The following SNX29 variants were observed in gnomAD, a reference collection of about 807,000 sequenced individuals.
SNX29 encodes sorting nexin-29.
Under a neutral mutation model 102.1 loss-of-function variants are expected in SNX29, and 78 were observed. That is an observed-to-expected ratio of 0.76 (90% CI 0.64 to 0.92). The LOEUF is 0.92. Among genes scored for constraint, SNX29 ranks in the 40% least tolerant of loss-of-function variants. The pLI, the probability that SNX29 is intolerant of heterozygous loss-of-function variation, is 0.00. For synonymous variants in SNX29, 580 were observed against 414.5 expected, an observed-to-expected ratio of 1.40 and a Z score of -4.85; for missense variants, 1,280 against 1,061.7, an observed-to-expected ratio of 1.21 and a Z score of -2.86.
intron 18 of SNX29, among the ~76,000 whole-genome samples, chr16:12,472,935 T>A (rs188779849): frequency 6.6e-6 from 1 of 152,148 alleles, no homozygotes; most frequent in Non-Finnish European, 1.5e-5. Context: ...TTTTGCTGAG[T>A]CAAGGAGATC....
intron 14 of SNX29, among the ~76,000 whole-genome samples, chr16:12,221,759 C>T (rs75091116): frequency 0.041 from 6,255 of 152,246 alleles, 463 homozygotes; most frequent in African/African-American, 0.14. Flanking sequence ...AAAATTGTGG[C>T]GCCCAGGGCC....
At chr16:12,137,048 A>T (rs1038301405) in intron 13 of SNX29, among the ~76,000 whole-genome samples, 5 of 152,096 alleles carry the variant, frequency 3.3e-5, no homozygotes, top group African/African-American at 1.2e-4. Context: ...CCTAGGAAAG[A>T]CTTTTTAGCG....
At chr16:12,121,385 A>G (rs1278152595) in intron 11 of SNX29, among the ~76,000 whole-genome samples, 1 of 152,242 alleles carries the variant, frequency 6.6e-6, no homozygotes, top group Non-Finnish European at 1.5e-5. Flanking sequence ...GTCCTGCAGA[A>G]GCCAGCATGG....
intron 20 of SNX29, among the ~76,000 whole-genome samples, chr16:12,562,260 G>A (rs1432174538): frequency 6.6e-6 from 1 of 152,116 alleles, no homozygotes; most frequent in Non-Finnish European, 1.5e-5. Context: ...TCACTAAGCA[G>A]CATCCCCATG....
At chr16:12,549,818 T>G (rs1268617196) in intron 20 of SNX29, among the ~76,000 whole-genome samples, 1 of 152,274 alleles carries the variant, frequency 6.6e-6, no homozygotes, top group Non-Finnish European at 1.5e-5. Flanking sequence ...CTGTGCCCTG[T>G]GTGGCCAGGC....
chr16:12,479,459 A>G (rs2087806229), intron 19 of SNX29, among the ~76,000 whole-genome samples: 1 of 152,184 alleles, frequency 6.6e-6, no homozygotes, highest in Non-Finnish European at 1.5e-5. Context: ...TGATCACGCC[A>G]AGGTCTGCTC....
intron 1 of SNX29, 154 bp downstream of exon 1, chr16:11,976,967 C>G: frequency 9.9e-7 from 1 of 1,008,362 alleles, no homozygotes; most frequent in South Asian, 4.2e-5. Flanking sequence ...CCAGGACTCC[C>G]GGCTCGTGGC....
intron 14 of SNX29, among the ~76,000 whole-genome samples, chr16:12,245,584 T>G (rs2078237201): frequency 6.6e-6 from 1 of 152,020 alleles, no homozygotes; most frequent in Admixed American, 6.6e-5. Flanking sequence ...TGTAGTTTAT[T>G]TATTTATTTT....
At chr16:12,534,667 G>T (rs964956134) in intron 20 of SNX29, among the ~76,000 whole-genome samples, 3 of 152,188 alleles carry the variant, frequency 2.0e-5, no homozygotes, top group Non-Finnish European at 4.4e-5. Context: ...CTGCAGACGG[G>T]CTGTCGGAGG....
At chr16:12,414,671 T>C (rs1054370543) in intron 18 of SNX29, among the ~76,000 whole-genome samples, 2 of 152,208 alleles carry the variant, frequency 1.3e-5, no homozygotes, top group African/African-American at 2.4e-5. Flanking sequence ...TTTTCCTGCC[T>C]GGCCGTTGTT....
At chr16:12,417,506 C>G (rs571294851) in intron 18 of SNX29, among the ~76,000 whole-genome samples, 1 of 152,272 alleles carries the variant, frequency 6.6e-6, no homozygotes, top group Non-Finnish European at 1.5e-5. Context: ...CTTCTCTTTG[C>G]TCCCCGCTTT....
intron 8 of SNX29, among the ~76,000 whole-genome samples, chr16:12,056,006 AG>A: frequency 6.6e-6 from 1 of 152,070 alleles, no homozygotes; most frequent in African/African-American, 2.4e-5. Flanking sequence ...CTCAGCCTCC[AG>A]AGTAGGTGGG....
chr16:12,117,045 G>A (rs1162396174), intron 11 of SNX29, among the ~76,000 whole-genome samples: 1 of 143,306 alleles, frequency 7.0e-6, no homozygotes, highest in African/African-American at 2.6e-5. Context: ...AAACAGGCGT[G>A]TTCAATACGT....
At chr16:12,016,510 G>A (rs549652647) in intron 3 of SNX29, among the ~76,000 whole-genome samples, 4 of 152,220 alleles carry the variant, frequency 2.6e-5, no homozygotes, top group African/African-American at 7.2e-5. Flanking sequence ...TATCTAGAGC[G>A]GCTGTACCAT....
At chr16:12,526,957 G>T in intron 20 of SNX29, 1 of 395,028 alleles carries the variant, frequency 2.5e-6, no homozygotes, top group South Asian at 2.7e-5. Flanking sequence ...TAATTAGCAC[G>T]CAGAACAGAA....
chr16:12,243,123 T>A (rs1421122236), intron 14 of SNX29, among the ~76,000 whole-genome samples: 4 of 152,228 alleles, frequency 2.6e-5, no homozygotes, highest in African/African-American at 9.6e-5. Context: ...AGAGACACTA[T>A]TTGTCTTCTC....
intron 14 of SNX29, among the ~76,000 whole-genome samples, 185 bp from the exon 15 acceptor site, chr16:12,277,748 C>T (rs1016149354): frequency 2.6e-5 from 4 of 151,974 alleles, no homozygotes; most frequent in Non-Finnish European, 4.4e-5. Flanking sequence ...CCTTGTCACT[C>T]GTTTTATTGT....
At chr16:12,559,617 C>A (rs1036602475) in intron 20 of SNX29, among the ~76,000 whole-genome samples, 11 of 152,184 alleles carry the variant, frequency 7.2e-5, no homozygotes, top group African/African-American at 2.6e-4. Context: ...TGCCACGTGA[C>A]CTTGCACATG....
intron 20 of SNX29, chr16:12,545,468 C>T (rs180805920): frequency 3.3e-5 from 5 of 152,370 alleles, no homozygotes; most frequent in Admixed American, 3.3e-4. Context: ...GATAGGATGC[C>T]AGTGACTCTC....
Sources: gnomAD v4.1 joint callset for allele counts (sites outside exome capture counted in the v4.1 genomes callset) on GRCh38, gnomAD v4.1.1 for gene constraint, MANE v1.5 for transcripts, NCBI Gene and HGNC (gene_info 2026-07-23, HGNC 2026-07-21) for gene names.